The following TBC1D12 variants were observed in gnomAD, a reference collection of about 807,000 sequenced individuals.
TBC1D12 encodes the protein TBC1 domain family, member 12.
In TBC1D12, 56 loss-of-function variants were observed where a neutral mutation model predicts 86.7. The observed-to-expected ratio is 0.65, with a 90% CI of 0.52 to 0.81. TBC1D12 has a LOEUF of 0.81. Ranked by LOEUF, TBC1D12 falls within the 30% of genes least tolerant of loss-of-function variation. The probability of loss-of-function intolerance (pLI) is 0.00; values close to 1 mark genes in which losing one functional copy is unlikely to be tolerated. For missense variants in TBC1D12, 1,023 were observed against 1,038.8 expected, an observed-to-expected ratio of 0.98 and a Z score of 0.21; for synonymous variants, 421 against 411.7, an observed-to-expected ratio of 1.02 and a Z score of -0.27.
chr10:94,524,839 T>A (rs1842246466), intron 11 of TBC1D12, among the ~76,000 whole-genome samples: 1 of 152,134 alleles, frequency 6.6e-6, no homozygotes, highest in Non-Finnish European at 1.5e-5. Context: ...TTTTATTTTT[T>A]ATTTTTTGAG....
At chr10:94,501,174 C>A (rs1226071826) in intron 6 of TBC1D12, among the ~76,000 whole-genome samples, 1 of 151,962 alleles carries the variant, frequency 6.6e-6, no homozygotes, top group African/African-American at 2.4e-5. Flanking sequence ...TTTAGCCGGG[C>A]ATGGTGGCTC....
At chr10:94,452,540 T>C (rs139146358) in intron 2 of TBC1D12, among the ~76,000 whole-genome samples, 24 of 152,296 alleles carry the variant, frequency 1.6e-4, no homozygotes, top group African/African-American at 5.5e-4. Context: ...AGACAGTACT[T>C]AGCTGTTTCA....
intron 1 of TBC1D12, among the ~76,000 whole-genome samples, chr10:94,404,231 G>C (rs945122): frequency 0.98 from 149,650 of 152,358 alleles, 73,545 homozygotes; most frequent in East Asian, 1. Flanking sequence ...GCCAAAGTAG[G>C]GCTTTTACTA....
intron 1 of TBC1D12, among the ~76,000 whole-genome samples, chr10:94,429,927 G>C (rs2055193036): frequency 6.6e-6 from 1 of 152,004 alleles, no homozygotes; most frequent in African/African-American, 2.4e-5. Context: ...GTAGAGATGG[G>C]GTTTTGCCAT....
intron 2 of TBC1D12, among the ~76,000 whole-genome samples, chr10:94,444,765 TCTGTCGCCCAGGCTGCAGTGCAGTGGCA>T (rs2055432643): frequency 6.7e-6 from 1 of 149,370 alleles, no homozygotes. Flanking sequence ...GGAGTCTTGC[TCTGTCGCCCAGGCTGCAGTGCAGTGGCA>T]CGATCTCGGC....
intron 3 of TBC1D12, among the ~76,000 whole-genome samples, chr10:94,481,789 G>C (rs2056081367): frequency 8.3e-6 from 1 of 120,762 alleles, no homozygotes; most frequent in African/African-American, 2.8e-5. Flanking sequence ...GCCTATCTTG[G>C]CTTTTTTTTT....
chr10:94,526,772 T>C (rs1214558618), intron 11 of TBC1D12, among the ~76,000 whole-genome samples: 2 of 152,194 alleles, frequency 1.3e-5, no homozygotes, highest in Non-Finnish European at 2.9e-5. Flanking sequence ...TGCTGGATCA[T>C]ATGGTCGTTC....
intron 6 of TBC1D12, among the ~76,000 whole-genome samples, chr10:94,502,161 C>T (rs2056406587): frequency 6.6e-6 from 1 of 151,670 alleles, no homozygotes; most frequent in South Asian, 2.1e-4. Flanking sequence ...GGAGAAACCC[C>T]GTCTCTACTA....
At chr10:94,475,518 C>T (rs2055976363) in intron 3 of TBC1D12, among the ~76,000 whole-genome samples, 1 of 152,104 alleles carries the variant, frequency 6.6e-6, no homozygotes, top group Admixed American at 6.6e-5. Context: ...ACAGCTTCCA[C>T]TTCCTGGGTT....
At chr10:94,454,598 T>C (rs2055598553) in intron 2 of TBC1D12, among the ~76,000 whole-genome samples, 1 of 152,254 alleles carries the variant, frequency 6.6e-6, no homozygotes, top group Admixed American at 6.5e-5. Flanking sequence ...CTTTTCCTCA[T>C]ACGGATCTTG....
At chr10:94,429,754 G>A (rs1325903167) in intron 1 of TBC1D12, among the ~76,000 whole-genome samples, 2 of 150,574 alleles carry the variant, frequency 1.3e-5, no homozygotes, top group African/African-American at 2.4e-5. Context: ...TTTTTTTTGA[G>A]ACAGGTTCTT....
At chr10:94,515,763 A>C (rs548346566) in intron 9 of TBC1D12, among the ~76,000 whole-genome samples, 7 of 152,342 alleles carry the variant, frequency 4.6e-5, no homozygotes, top group Admixed American at 2.0e-4. Context: ...GCACAATAAG[A>C]CATAAACAGC....
chr10:94,526,486 C>A (rs529372719), intron 11 of TBC1D12, among the ~76,000 whole-genome samples: 1 of 151,622 alleles, frequency 6.6e-6, no homozygotes, highest in Non-Finnish European at 1.5e-5. Flanking sequence ...TTAGCTTCTG[C>A]ATATGAATGA....
chr10:94,480,868 C>A (rs2056067885), intron 3 of TBC1D12, among the ~76,000 whole-genome samples: 1 of 150,774 alleles, frequency 6.6e-6, no homozygotes, highest in South Asian at 2.1e-4. Flanking sequence ...CAGAGCCAGA[C>A]CTTGTCTCAA....
At chr10:94,499,274 G>A (rs1014375000) in intron 5 of TBC1D12, among the ~76,000 whole-genome samples, 14 of 152,106 alleles carry the variant, frequency 9.2e-5, no homozygotes, top group African/African-American at 3.1e-4. Flanking sequence ...TTCTTCTAAC[G>A]GAAGTTTGTA....
chr10:94,532,303 G>A (rs1454227395), intron 12 of TBC1D12, among the ~76,000 whole-genome samples: 3 of 151,704 alleles, frequency 2.0e-5, no homozygotes, highest in Non-Finnish European at 4.4e-5. Context: ...GCAGTCTCCC[G>A]AGTAGCTGGG....
In TBC1D12 at chr10:94,510,092, T is replaced by C. The variant is rs183691357; in HGVS notation, c.1602T>C (p.Gly534=). The change falls in exon 8 of 13, where the codon GGT becomes GGC. Residue 534 remains glycine, a splice_region_variant and synonymous_variant. Transcript: ENST00000225235. ...SETSSENDTE[G]VSVADREASL... is the part of the protein sequence containing the mutation. ...ATTGTATCTGCTTGGTAAATGCAGGTGTATCTGTTGCTGATCGAGAGGCCA... is the reference window on the plus strand; with the variant it reads ...ATTGTATCTGCTTGGTAAATGCAGGCGTATCTGTTGCTGATCGAGAGGCCA... 21 of 1,605,746 alleles carry C rather than the reference T, an allele frequency of 1.3e-5. No individual in the cohort carries two copies. The African/African-American group carries it at 1.6e-4, about 12-fold the overall frequency.
intron 4 of TBC1D12, 61 bp downstream of exon 4, chr10:94,493,508 A>C: frequency 8.5e-7 from 1 of 1,180,888 alleles, no homozygotes; most frequent in Non-Finnish European, 1.2e-6. Context: ...TGGATGGTAA[A>C]ATTCATCAAG....
chr10:94,474,002 G>A (rs947940101), intron 2 of TBC1D12, among the ~76,000 whole-genome samples: 13 of 152,104 alleles, frequency 8.5e-5, no homozygotes, highest in Non-Finnish European at 1.6e-4. Context: ...TAAATTTAGA[G>A]TAAGTAGATC....
Sources: gnomAD v4.1 joint callset for allele counts (sites outside exome capture counted in the v4.1 genomes callset) on GRCh38, gnomAD v4.1.1 for gene constraint, MANE v1.5 for transcripts, NCBI Gene and HGNC (gene_info 2026-07-23, HGNC 2026-07-21) for gene names.